The following SHISA9 variants were observed in gnomAD, a reference collection of about 807,000 sequenced individuals.
SHISA9 encodes the protein protein shisa-9.
In SHISA9, 13 loss-of-function variants were observed where a neutral mutation model predicts 38.0. The observed-to-expected ratio is 0.34, with a 90% CI of 0.22 to 0.54. The LOEUF (loss-of-function observed/expected upper bound fraction) is 0.54, where lower values mean the gene tolerates loss of function less well. Ranked by LOEUF, SHISA9 falls within the 20% of genes least tolerant of loss-of-function variation. The pLI, the probability that SHISA9 is intolerant of heterozygous loss-of-function variation, is 0.91. For missense variants in SHISA9, 538 were observed against 575.8 expected, an observed-to-expected ratio of 0.93 and a Z score of 0.67; for synonymous variants, 275 against 242.0, an observed-to-expected ratio of 1.14 and a Z score of -1.27.
chr16:13,527,532 TATAAG>T, the SHISA9 span, among the ~76,000 whole-genome samples: 1 of 152,170 alleles, frequency 6.6e-6, no homozygotes, highest in Non-Finnish European at 1.5e-5. Flanking sequence ...TCTAGTTAAA[TATAAG>T]GTAGTGGCGT....
chr16:13,425,635 G>A, the SHISA9 span, among the ~76,000 whole-genome samples: 3 of 152,256 alleles, frequency 2.0e-5, no homozygotes, highest in African/African-American at 4.8e-5. Context: ...CAATACACTC[G>A]TGAAACAAAC....
the SHISA9 span, among the ~76,000 whole-genome samples, chr16:13,384,060 G>A: frequency 2.6e-5 from 4 of 152,278 alleles, no homozygotes; most frequent in African/African-American, 4.8e-5. Flanking sequence ...AATGGTTAAC[G>A]TTAGGAGAGA....
chr16:13,371,648 C>G, the SHISA9 span, among the ~76,000 whole-genome samples: 1 of 152,226 alleles, frequency 6.6e-6, no homozygotes, highest in African/African-American at 2.4e-5. Context: ...TTAGCGATGT[C>G]CCTTCATGAT....
the SHISA9 span, among the ~76,000 whole-genome samples, chr16:13,544,382 G>A: frequency 7.0e-6 from 1 of 143,004 alleles, no homozygotes; most frequent in Non-Finnish European, 1.5e-5. Flanking sequence ...CAAAGCTCTT[G>A]CTCTTAGTTT....
At chr16:13,255,264 C>G in the SHISA9 span, among the ~76,000 whole-genome samples, 5 of 152,082 alleles carry the variant, frequency 3.3e-5, no homozygotes, top group Non-Finnish European at 5.9e-5. Context: ...CTCTCCCTCT[C>G]TCATTCTCTT....
At chr16:12,956,303 T>C (rs2071834257) in intron 2 of SHISA9, among the ~76,000 whole-genome samples, 1 of 152,220 alleles carries the variant, frequency 6.6e-6, no homozygotes, top group Admixed American at 6.5e-5. Flanking sequence ...AGTTTAACCC[T>C]TATGAGAAAC....
At chr16:13,130,037 A>T (rs911884176) in intron 2 of SHISA9, among the ~76,000 whole-genome samples, 3 of 152,092 alleles carry the variant, frequency 2.0e-5, no homozygotes, top group African/African-American at 7.2e-5. Flanking sequence ...AATGACCCTC[A>T]CAATTTTCAA....
intron 2 of SHISA9, among the ~76,000 whole-genome samples, chr16:12,964,165 T>G (rs2071947956): frequency 6.6e-6 from 1 of 152,172 alleles, no homozygotes; most frequent in African/African-American, 2.4e-5. Context: ...GGTGCTAAAT[T>G]TGAAAAGGAT....
chr16:13,463,087 G>C, the SHISA9 span, among the ~76,000 whole-genome samples: 53,512 of 152,060 alleles, frequency 0.35, 9,547 homozygotes, highest in South Asian at 0.53. Context: ...GCCTGGGGGG[G>C]GAAGGTTGCA....
the SHISA9 span, among the ~76,000 whole-genome samples, chr16:13,347,694 G>A: frequency 2.0e-5 from 3 of 152,118 alleles, no homozygotes; most frequent in Non-Finnish European, 4.4e-5. Flanking sequence ...AGAACACTGG[G>A]TTATTTCTAG....
chr16:13,197,380 G>T (rs1199324315), intron 2 of SHISA9, among the ~76,000 whole-genome samples: 5 of 152,122 alleles, frequency 3.3e-5, no homozygotes, highest in Non-Finnish European at 7.4e-5. Flanking sequence ...TGCATGGAGA[G>T]ACTTGGAGCA....
chr16:12,938,207 G>C (rs2071559127), intron 2 of SHISA9, among the ~76,000 whole-genome samples: 1 of 152,202 alleles, frequency 6.6e-6, no homozygotes, highest in Non-Finnish European at 1.5e-5. Flanking sequence ...GTTCCAATCT[G>C]TATATTTTCC....
At chr16:13,470,364 C>G in the SHISA9 span, among the ~76,000 whole-genome samples, 467 of 152,234 alleles carry the variant, frequency 3.1e-3, 4 homozygotes, top group African/African-American at 0.011. Context: ...AGTCTGTTCT[C>G]TTGCTGCTAA....
At chr16:12,910,245 C>T (rs1306338013) in intron 1 of SHISA9, 2 of 157,876 alleles carry the variant, frequency 1.3e-5, no homozygotes, top group Non-Finnish European at 2.7e-5. Context: ...CAGTATTTGG[C>T]AAGTAAGAGT....
chr16:13,052,940 G>A (rs894922241), intron 2 of SHISA9, among the ~76,000 whole-genome samples: 17 of 148,768 alleles, frequency 1.1e-4, no homozygotes, highest in Non-Finnish European at 1.8e-4. Context: ...AATCCTTTAG[G>A]ATCCCCTTTC....
chr16:13,086,488 A>G (rs757043679), intron 2 of SHISA9, among the ~76,000 whole-genome samples: 5 of 152,104 alleles, frequency 3.3e-5, no homozygotes, highest in Non-Finnish European at 7.4e-5. Context: ...GGAAATTAGG[A>G]AAGATAGACC....
intron 2 of SHISA9, among the ~76,000 whole-genome samples, chr16:13,110,049 A>G (rs553256010): frequency 6.6e-6 from 1 of 152,104 alleles, no homozygotes; most frequent in Non-Finnish European, 1.5e-5. Flanking sequence ...ATATATTAAG[A>G]TTATATTCAA....
chr16:13,399,636 A>G, the SHISA9 span, among the ~76,000 whole-genome samples: 1 of 152,084 alleles, frequency 6.6e-6, no homozygotes, highest in Non-Finnish European at 1.5e-5. Flanking sequence ...CTTGCATTTC[A>G]TTGGGCACAG....
At chr16:13,222,815 T>TATATATATATAC (rs1430368739) in intron 4 of SHISA9, among the ~76,000 whole-genome samples, 36 of 70,920 alleles carry the variant, frequency 5.1e-4, no homozygotes, top group African/African-American at 2.9e-3. Context: ...TATATATACA[T>TATATATATATAC]ACACACACCA....
Sources: gnomAD v4.1 joint callset for allele counts (sites outside exome capture counted in the v4.1 genomes callset) on GRCh38, gnomAD v4.1.1 for gene constraint, MANE v1.5 for transcripts, NCBI Gene and HGNC (gene_info 2026-07-23, HGNC 2026-07-21) for gene names.